Variants in CENPF observed in about 807,000 individuals in gnomAD.
CENPF encodes the protein AH antigen.
Under a neutral mutation model 307.3 loss-of-function variants are expected in CENPF, and 214 were observed. The ratio of observed to expected loss-of-function variants is 0.70; its 90% CI spans 0.62 to 0.78. The LOEUF (loss-of-function observed/expected upper bound fraction) is 0.78. CENPF is among the 30% of genes least tolerant of loss of function. CENPF has a pLI of 0.00. For missense variants in CENPF, 3,401 were observed against 3,483.9 expected, an observed-to-expected ratio of 0.98 and a Z score of 0.60; for synonymous variants, 1,259 against 1,270.6, an observed-to-expected ratio of 0.99 and a Z score of 0.19.
intron 10 of CENPF, among the ~76,000 whole-genome samples, chr1:214,633,437 A>G (rs1381603742): frequency 6.6e-6 from 1 of 152,260 alleles, no homozygotes; most frequent in Non-Finnish European, 1.5e-5. Context: ...AAGAGGAACA[A>G]CACAAGAATG....
intron 9 of CENPF, among the ~76,000 whole-genome samples, chr1:214,631,497 G>GTTTGT (rs569428710): frequency 6.6e-6 from 1 of 151,858 alleles, no homozygotes. Context: ...TTGTTTGTTT[G>GTTTGT]TTTGTTTTGT....
chr1:214,620,813 T>G lies in CENPF; in HGVS notation c.732T>G (p.Ser244=). ...RTPIRRDFSA[S]YFSGEQEVTP... ...CAATTAGGAGAGATTTCTCTGCATC[T>G]TACTTTTCTGGGGAACAAGAGGTGA... The change falls in exon 6 of 20, where the codon TCT becomes TCG. Residue 244 remains serine, a synonymous_variant. Coordinates refer to ENST00000366955, the MANE Select transcript of CENPF (RefSeq NM_016343.4). The G allele has an allele frequency of 6.2e-7, 1 of 1,614,210 alleles. No individual in the cohort carries two copies. Among genetic ancestry groups the G allele is most frequent in the Non-Finnish European group, 8.5e-7 (1 of 1,180,036 alleles).
In CENPF at chr1:214,646,270, T is replaced by C. The variant is rs1253061308; in HGVS notation, c.6700T>C (p.Ser2234Pro). ...GQLSELDKLL[S>P]SFKSLLEEKE... ...GTTGTCAGAACTAGACAAGTTACTC[T>C]CTTCATTTAAAAGTCTGTTAGAAGA... The change falls in exon 13 of 20, where the codon TCT becomes CCT. Residue 2234 changes from serine to proline, a missense_variant. By Grantham distance (74) the Ser-to-Pro change is moderately conservative (BLOSUM62 -1). Coordinates refer to ENST00000366955, the MANE Select transcript of CENPF (RefSeq NM_016343.4). 1 of 1,614,010 alleles carries C rather than the reference T, an allele frequency of 6.2e-7. No homozygotes were observed. Among genetic ancestry groups the C allele is most frequent in the Non-Finnish European group, 8.5e-7 (1 of 1,180,034 alleles).
At chr1:214,652,247 G>A (rs987992857) in intron 15 of CENPF, among the ~76,000 whole-genome samples, 8 of 151,078 alleles carry the variant, frequency 5.3e-5, no homozygotes, top group Non-Finnish European at 1.0e-4. Context: ...GTGTTAGCCA[G>A]GATGGTCTCG....
chr1:214,616,182 G>A (rs1189526689), intron 3 of CENPF, among the ~76,000 whole-genome samples: 1 of 151,902 alleles, frequency 6.6e-6, no homozygotes, highest in African/African-American at 2.4e-5. Flanking sequence ...TGGTGTTTGT[G>A]TTTTTCTTCT....
In CENPF at chr1:214,654,737, A is replaced by G. The variant is rs1367184943; in HGVS notation, c.8323-504A>G. Among the ~76,000 whole-genome samples, 3 of 152,158 alleles carry G rather than the reference A, an allele frequency of 2.0e-5. No individual in the cohort carries two copies. In the East Asian group the frequency reaches 5.8e-4, roughly 29 times the overall value. On this transcript the variant is annotated intron_variant, in intron 16 of 19. Transcript: ENST00000366955. ...CGTATGAGGACACAATTCTCCCATCATTCTGTTGTCTTTCTACTCGAGCCA... is the reference window on the plus strand; with the variant it reads ...CGTATGAGGACACAATTCTCCCATCGTTCTGTTGTCTTTCTACTCGAGCCA...
At chr1:214,606,216 C>T in intron 1 of CENPF, 1 of 862,094 alleles carries the variant, frequency 1.2e-6, no homozygotes, top group Non-Finnish European at 1.7e-6. Context: ...CAGGCCCAGG[C>T]TCCACACCAG....
chr1:214,643,151 G>A lies in CENPF; in HGVS notation c.4813G>A (p.Glu1605Lys), dbSNP rs1216526656. The A allele has an allele frequency of 6.3e-7, 1 of 1,598,758 alleles. No individual in the cohort carries two copies. Among genetic ancestry groups the A allele is most frequent in the Admixed American group, 1.8e-5 (1 of 55,784 alleles). Residue 1605 changes from glutamate (E) to lysine (K), a missense_variant, in exon 12 of 20, where the codon GAA (glutamate) becomes AAA (lysine). By Grantham distance (56) the Glu-to-Lys change is moderately conservative. Coordinates refer to ENST00000366955, the MANE Select transcript of CENPF (RefSeq NM_016343.4). ...LDCLRKQYLSENEQWQQKLTS... is the reference protein window; with the variant it reads ...LDCLRKQYLSKNEQWQQKLTS... ...CTGCCTTAGGAAGCAGTATTTGTCA[G>A]AAAATGAACAGTGGCAACAGAAGCT...
rs538878475 is a variant in CENPF, at chr1:214,659,077, A to G, written c.9141+49A>G. 35 of 1,599,300 alleles carry G rather than the reference A, an allele frequency of 2.2e-5. 1 individual carries two copies. The South Asian group carries it at 3.1e-4, about 14-fold the overall frequency. ...TACTGTTTGAGATCCAGAAAATTGC[A>G]GTAGTACCTGGGTGAGGATTGGACA... is the stretch of plus-strand genomic sequence containing the variant. On this transcript the variant is annotated intron_variant, in intron 19 of 19. Transcript: ENST00000366955. This position sits in a 1 kb window ranked among gnomAD's most constrained non-coding sequence, Gnocchi z 4.4.
In CENPF at chr1:214,622,247, G is replaced by A; in HGVS notation, c.1034G>A (p.Arg345Lys). Residue 345 changes from arginine (R) to lysine (K), a missense_variant, in exon 7 of 20, where the codon AGA becomes AAA. Physicochemically the swap from Arg to Lys is conservative, Grantham distance 26. Coordinates refer to ENST00000366955, the MANE Select transcript of CENPF (RefSeq NM_016343.4). ...VLNKCRDELV[R>K]TTAQYDQAST... ...AACAAATGTAGGGATGAACTAGTGA[G>A]AACAACAGCACAATACGACCAGGCG... 6.2e-7 allele frequency: 1 copy of A among 1,614,030 alleles called. No homozygotes were observed. Among genetic ancestry groups the A allele is most frequent in the South Asian group, 1.1e-5 (1 of 91,054 alleles).
chr1:214,614,996 A>G lies in CENPF; in HGVS notation c.327A>G (p.Lys109=). Residue 109 remains lysine (K), a synonymous_variant, in exon 3 of 20, where the codon AAA becomes AAG. Transcript: ENST00000366955. ...AAGGACAACTGAATTCAGGCAAAAA[A>G]CAAATAGAAAAACTGGAACAGGAAC... ...FQEGQLNSGK[K]QIEKLEQELK... 1 of 1,603,452 alleles carries G rather than the reference A, an allele frequency of 6.2e-7. No individual in the cohort carries two copies. Among genetic ancestry groups the G allele is most frequent in the Admixed American group, 1.7e-5 (1 of 57,528 alleles).
In CENPF at chr1:214,659,310, G is replaced by A. The variant is rs1383358920; in HGVS notation, c.9141+282G>A. ...GTGGATTTCTAAGAAAGTTTCAGGCGTTACTGATGAAGGATTTGAAGAGGT... is the reference window on the plus strand; with the variant it reads ...GTGGATTTCTAAGAAAGTTTCAGGCATTACTGATGAAGGATTTGAAGAGGT... On this transcript the variant is annotated intron_variant, in intron 19 of 19. Transcript: ENST00000366955. The surrounding 1 kb of genome is among the most constrained non-coding windows in gnomAD (Gnocchi z 4.4). Among the ~76,000 whole-genome samples, 1 of 152,090 alleles carries A rather than the reference G, an allele frequency of 6.6e-6. No homozygotes were observed. The highest frequency in any genetic ancestry group is 1.5e-5 in the Non-Finnish European group (1 of 68,012).
chr1:214,648,788 A>G lies in CENPF; in HGVS notation c.7944A>G (p.Gly2648=), dbSNP rs772412418. Residue 2648 remains glycine, a synonymous_variant, in exon 14 of 20, where the codon GGA becomes GGG. Coordinates refer to ENST00000366955, the MANE Select transcript of CENPF (RefSeq NM_016343.4). ...ELSGEKNRLA[G]ELQLLLEEIK... ...GTGGAGAGAAAAATAGGCTAGCTGG[A>G]GAGTTGCAGTTACTGTTGGAAGAAA... is the stretch of plus-strand genomic sequence containing the variant. 1.9e-6 allele frequency: 3 copies of G among 1,614,064 alleles called. No homozygotes were observed. The East Asian group carries it at 6.7e-5, about 36-fold the overall frequency.
intron 10 of CENPF, among the ~76,000 whole-genome samples, chr1:214,637,466 T>G (rs1657993421): frequency 8.4e-6 from 1 of 119,134 alleles, no homozygotes. Context: ...TGTGCTGAGA[T>G]TTTTTTTTTT....
chr1:214,612,060 AG>A (rs896069704), intron 1 of CENPF, among the ~76,000 whole-genome samples: 3 of 152,102 alleles, frequency 2.0e-5, no homozygotes, highest in Non-Finnish European at 2.9e-5. Context: ...CCAGTTTTCA[AG>A]GGGGGAATGC....
rs538628701 is a variant in CENPF at position 214,641,508 on chromosome 1, T to G, written c.3170T>G (p.Leu1057Arg). Residue 1057 changes from leucine (L) to arginine (R), a missense_variant, in exon 12 of 20, where the codon CTA (leucine) becomes CGA (arginine). Physicochemically the swap from Leu to Arg is moderately radical, Grantham distance 102. Transcript: ENST00000366955. ...AAGAATTCTAAATTAGAATGCTTGC[T>G]AAATGAATGCACTAGTCTTTGTGAA... Reference protein sequence around the residue: ...QEKNSKLECLLNECTSLCENR... With the variant: ...QEKNSKLECLRNECTSLCENR... 505 of 1,521,418 alleles carry G rather than the reference T, an allele frequency of 3.3e-4. 7 individuals are homozygous for G. The South Asian group carries it at 3.3e-3, about 10-fold the overall frequency. 94.2% of individuals were successfully genotyped at this position (1,521,418 alleles called of 1,614,324 possible).
chr1:214,620,650 T>A lies in CENPF; in HGVS notation c.574-5T>A. The A allele has an allele frequency of 6.2e-7, 1 of 1,604,588 alleles. No homozygotes were observed. Among genetic ancestry groups the A allele is most frequent in the Non-Finnish European group, 8.5e-7 (1 of 1,176,980 alleles). ...AAGGCCTCTAAAGAGATTCTGTTTC[T>A]ACAGAAAGCAAGCCAGACTCTTCCA... On this transcript the variant is annotated splice_region_variant and splice_polypyrimidine_tract_variant and intron_variant, in intron 5 of 19. Coordinates refer to ENST00000366955, the MANE Select transcript of CENPF (RefSeq NM_016343.4).
At chr1:214,650,587 C>A (rs900485553) in intron 14 of CENPF, among the ~76,000 whole-genome samples, 1 of 152,016 alleles carries the variant, frequency 6.6e-6, no homozygotes. Context: ...TTCTGGAAAT[C>A]AAGAGGAAGG....
intron 16 of CENPF, 163 bp from the exon 17 acceptor site, chr1:214,655,078 C>T (rs1433924932): frequency 6.8e-5 from 30 of 441,192 alleles, no homozygotes; most frequent in Non-Finnish European, 8.6e-5. Context: ...ACTTAGGAAA[C>T]TGAGTAGAGA....
Sources: gnomAD v4.1 joint callset for allele counts (sites outside exome capture counted in the v4.1 genomes callset) on GRCh38, gnomAD v4.1.1 for gene constraint, Gnocchi (gnomAD v3.1) non-coding constraint, MANE v1.5 for transcripts, NCBI Gene and HGNC (gene_info 2026-07-23, HGNC 2026-07-21) for gene names.